The following PHF14 variants were observed in gnomAD, a reference collection of about 807,000 sequenced individuals.
PHF14 encodes the protein PHD finger protein 14.
In PHF14, 55 loss-of-function variants were observed where a neutral mutation model predicts 117.9. The observed-to-expected ratio is 0.47, with a 90% CI of 0.38 to 0.58. PHF14 has a LOEUF of 0.58. PHF14 is among the 20% of genes least tolerant of loss of function. PHF14 has a pLI of 0.00. For missense variants in PHF14, 978 were observed against 1,122.2 expected (o/e 0.87, Z 1.84); for synonymous variants, 409 against 368.6 (o/e 1.11, Z -1.26).
At chr7:11,157,382 G>C (rs914377012) in intron 17 of PHF14, among the ~76,000 whole-genome samples, 2 of 109,376 alleles carry the variant, frequency 1.8e-5, no homozygotes, top group African/African-American at 9.7e-5. Context: ...GTCTGTCAAT[G>C]GGTTACCAAA....
intron 7 of PHF14, 42 bp downstream of exon 7, chr7:11,028,860 G>A (rs1226746146): frequency 1.3e-6 from 2 of 1,549,134 alleles, no homozygotes; most frequent in Non-Finnish European, 8.9e-7. Flanking sequence ...ATGTTCACAA[G>A]ATATCTTTTG....
intron 14 of PHF14, among the ~76,000 whole-genome samples, chr7:11,054,539 T>A (rs1356734791): frequency 2.0e-5 from 3 of 152,114 alleles, no homozygotes. Flanking sequence ...TATGCTGAGT[T>A]CCTGTTGTTA....
In PHF14 at chr7:11,042,713, G is replaced by A; in HGVS notation, c.2211G>A (p.Gln737=). The A allele has an allele frequency of 6.3e-7, 1 of 1,590,560 alleles. No homozygotes were observed. The highest frequency in any genetic ancestry group is 8.6e-7 in the Non-Finnish European group (1 of 1,166,824). Residue 737 remains glutamine (Q), a synonymous_variant, in exon 13 of 18, where the codon CAG becomes CAA. Transcript: ENST00000634607. ...GGATTTGTAAGAAGAACCATGATCAGCATCTTCTTTTATTGTGTGATACCT... is the reference window on the plus strand; with the variant it reads ...GGATTTGTAAGAAGAACCATGATCAACATCTTCTTTTATTGTGTGATACCT... ...SCGICKKNHD[Q]HLLLLCDTCK...
intron 16 of PHF14, among the ~76,000 whole-genome samples, chr7:11,077,427 C>G (rs1371747236): frequency 6.6e-6 from 1 of 151,464 alleles, no homozygotes; most frequent in Non-Finnish European, 1.5e-5. Context: ...GTGGTAAAAC[C>G]CCGTCTCTAC....
At chr7:11,109,736 G>C (rs1787380497) in intron 16 of PHF14, 2 of 151,790 alleles carry the variant, frequency 1.3e-5, no homozygotes, top group African/African-American at 2.4e-5. Context: ...ACAGGTATTT[G>C]AACATTTTAA....
chr7:10,982,344 G>A, intron 2 of PHF14, 28 bp from the exon 3 acceptor site: 1 of 1,467,276 alleles, frequency 6.8e-7, no homozygotes, highest in Non-Finnish European at 9.1e-7. Flanking sequence ...ACATATGTGT[G>A]GTTTTTTTTT....
chr7:11,097,349 A>G (rs1474364951), intron 16 of PHF14, among the ~76,000 whole-genome samples: 1 of 152,214 alleles, frequency 6.6e-6, no homozygotes, highest in Admixed American at 6.5e-5. Context: ...CCTAAAATAG[A>G]TAATATTTTA....
intron 17 of PHF14, among the ~76,000 whole-genome samples, chr7:11,153,777 G>A (rs1469223448): frequency 6.6e-6 from 1 of 152,072 alleles, no homozygotes; most frequent in South Asian, 2.1e-4. Flanking sequence ...AAATTGGGTG[G>A]TTATAGGATT....
At chr7:11,142,140 A>T (rs1320377813) in intron 17 of PHF14, among the ~76,000 whole-genome samples, 2 of 152,020 alleles carry the variant, frequency 1.3e-5, no homozygotes, top group African/African-American at 4.8e-5. Flanking sequence ...GCTTTCTCCA[A>T]AATGTAGACA....
At chr7:11,118,708 ATTGT>A (rs1440407566) in intron 17 of PHF14, among the ~76,000 whole-genome samples, 2 of 151,778 alleles carry the variant, frequency 1.3e-5, no homozygotes, top group Non-Finnish European at 2.9e-5. Context: ...TAAAACATAG[ATTGT>A]TTATTAGTCA....
chr7:10,990,755 A>G lies in PHF14; in HGVS notation c.953A>G (p.His318Arg). ...SQNWSSQKMD[H>R]ILICCVCLGD... is the part of the protein sequence containing the mutation. ...AACTGGAGCTCTCAAAAAATGGACC[A>G]TATTCTGATTTGCTGTGTTTGTCTG... The change falls in exon 4 of 18, where the codon CAT becomes CGT. Residue 318 changes from histidine to arginine, a missense_variant. His to Arg is a conservative substitution (Grantham distance 29). Coordinates refer to ENST00000634607, the MANE Select transcript of PHF14 (RefSeq NM_001007157.2). 1.3e-6 allele frequency: 2 copies of G among 1,574,484 alleles called. No homozygotes were observed. Among genetic ancestry groups the G allele is most frequent in the Non-Finnish European group, 1.7e-6 (2 of 1,156,776 alleles).
chr7:11,003,865 T>A (rs1782970540), intron 4 of PHF14, among the ~76,000 whole-genome samples: 1 of 152,244 alleles, frequency 6.6e-6, no homozygotes, highest in Non-Finnish European at 1.5e-5. Context: ...ACCCCATCTG[T>A]TGTACCTTGT....
intron 5 of PHF14, among the ~76,000 whole-genome samples, chr7:11,016,026 A>G (rs938473051): frequency 1.3e-5 from 2 of 152,164 alleles, no homozygotes; most frequent in Non-Finnish European, 2.9e-5. Context: ...ATCATAATAG[A>G]CAAAACAACT....
At chr7:11,038,295 G>T (rs1320417863) in intron 10 of PHF14, among the ~76,000 whole-genome samples, 2 of 151,970 alleles carry the variant, frequency 1.3e-5, no homozygotes, top group Non-Finnish European at 2.9e-5. Flanking sequence ...GCTGGGCGTG[G>T]TGGAGGGTGC....
At chr7:11,006,815 G>A (rs117990660) in intron 4 of PHF14, 17 of 792,540 alleles carry the variant, frequency 2.1e-5, no homozygotes, top group African/African-American at 1.5e-4. Flanking sequence ...GAAAGCCTTC[G>A]GTTTGGCTTC....
intron 14 of PHF14, among the ~76,000 whole-genome samples, chr7:11,056,784 C>G (rs1785035044): frequency 6.7e-6 from 1 of 148,250 alleles, no homozygotes; most frequent in Non-Finnish European, 1.5e-5. Context: ...ATATGCTATA[C>G]ATATAATTTT....
At chr7:10,981,610 G>A (rs768078737) in intron 2 of PHF14, among the ~76,000 whole-genome samples, 2 of 152,250 alleles carry the variant, frequency 1.3e-5, no homozygotes, top group South Asian at 2.1e-4. Flanking sequence ...TTTTCAGGAT[G>A]GACTGCTTTA....
chr7:11,168,587 G>C (rs1226045748), intron 17 of PHF14, among the ~76,000 whole-genome samples: 1 of 152,140 alleles, frequency 6.6e-6, no homozygotes, highest in African/African-American at 2.4e-5. Flanking sequence ...TGATGTTTAT[G>C]CTTTAATTAA....
intron 4 of PHF14, among the ~76,000 whole-genome samples, chr7:11,004,317 A>T (rs1783000087): frequency 1.3e-5 from 2 of 149,574 alleles, no homozygotes; most frequent in South Asian, 4.2e-4. Context: ...CTAGAGGTAA[A>T]TATGCTTAAA....
Sources: gnomAD v4.1 joint callset for allele counts (sites outside exome capture counted in the v4.1 genomes callset) on GRCh38, gnomAD v4.1.1 for gene constraint, MANE v1.5 for transcripts, NCBI Gene and HGNC (gene_info 2026-07-23, HGNC 2026-07-21) for gene names.